Variants in PTPRN2 observed in about 807,000 individuals in gnomAD.
PTPRN2 encodes the protein receptor-type tyrosine-protein phosphatase N2.
In PTPRN2, 74 loss-of-function variants were observed where a neutral mutation model predicts 118.8. That is an observed-to-expected ratio of 0.62 (90% CI 0.52 to 0.76). The LOEUF is 0.76. PTPRN2 is among the 30% of genes least tolerant of loss of function. PTPRN2 has a pLI of 0.00. For missense variants in PTPRN2, 1,481 were observed against 1,394.4 expected (o/e 1.06, Z -0.99); for synonymous variants, 641 against 608.0 (o/e 1.05, Z -0.80).
At chr7:158,569,799 G>T (rs1432298191) in intron 1 of PTPRN2, among the ~76,000 whole-genome samples, 1 of 127,700 alleles carries the variant, frequency 7.8e-6, no homozygotes. Flanking sequence ...CTGACTGACA[G>T]GAACGCGGGG....
rs572303942 is a variant in PTPRN2 at position 157,974,527 on chromosome 7, C to T, written c.1724-75790G>A. On this transcript the variant is annotated intron_variant, in intron 11 of 22. Coordinates refer to ENST00000389418, the MANE Select transcript of PTPRN2 (RefSeq NM_002847.5). The surrounding 1 kb of genome is among the most constrained non-coding windows in gnomAD (Gnocchi z 4.0). ...GGGAACCGTCGGTCCTGCCATGGGA[C>T]GATGTGACTGGGGGCTCGTCCATGC... Among the ~76,000 whole-genome samples, 9 of 152,098 alleles carry T rather than the reference C, an allele frequency of 5.9e-5. No homozygotes were observed. The highest frequency in any genetic ancestry group is 2.1e-4 in the South Asian group (1 of 4,818).
chr7:158,067,221 G>A (rs931694704), intron 11 of PTPRN2, among the ~76,000 whole-genome samples: 5 of 152,208 alleles, frequency 3.3e-5, no homozygotes, highest in East Asian at 1.9e-4. Context: ...GCTTTTCAGC[G>A]AAGCCTCCTC....
At chr7:158,531,388 G>T (rs572528505) in intron 1 of PTPRN2, among the ~76,000 whole-genome samples, 1 of 152,314 alleles carries the variant, frequency 6.6e-6, no homozygotes, top group Admixed American at 6.5e-5. Context: ...TGGGGAAGGG[G>T]GCCACAGGAA....
In PTPRN2 at chr7:157,548,946, C is replaced by T; in HGVS notation, c.2976G>A (p.Lys992=). Residue 992 remains lysine, a splice_region_variant and synonymous_variant, in exon 22 of 23, where the codon AAG becomes AAA. Transcript: ENST00000389418. ...RDQRPGMVQT[K]EQFEFALTAV... Reference sequence around the variant, plus strand: ...GTCCCGGAGGAGAGACTGACAGTACCTTCGTCTGGACCATGCCGGGTCTCT... The same window carrying T: ...GTCCCGGAGGAGAGACTGACAGTACTTTCGTCTGGACCATGCCGGGTCTCT... 1.2e-6 allele frequency: 2 copies of T among 1,614,082 alleles called. No homozygotes were observed. The highest frequency in any genetic ancestry group is 1.7e-5 in the Admixed American group (1 of 60,026).
At chr7:158,488,458 C>G (rs1171389333) in intron 2 of PTPRN2, among the ~76,000 whole-genome samples, 1 of 152,232 alleles carries the variant, frequency 6.6e-6, no homozygotes, top group African/African-American at 2.4e-5. Flanking sequence ...ACCCCAGAAG[C>G]TGCCTAGGCA....
chr7:158,399,667 G>C (rs1004677219), intron 2 of PTPRN2, among the ~76,000 whole-genome samples: 3 of 151,722 alleles, frequency 2.0e-5, no homozygotes, highest in Non-Finnish European at 4.4e-5. Flanking sequence ...AGAAAAGAAA[G>C]AAAAGAAAAG....
chr7:157,629,291 C>A lies in PTPRN2; in HGVS notation c.2197-7782G>T, dbSNP rs1285366799. 6.6e-6 allele frequency among the ~76,000 whole-genome samples: 1 copy of A among 152,084 alleles called. No individual in the cohort carries two copies. On this transcript the variant is annotated intron_variant, in intron 14 of 22. Coordinates refer to ENST00000389418, the MANE Select transcript of PTPRN2 (RefSeq NM_002847.5). The surrounding 1 kb of genome is among the most constrained non-coding windows in gnomAD (Gnocchi z 4.4). ...AGGCAGAAGAAAGGCTGGAGCAGGT[C>A]AGTGCTATTTCAGCTCCATTCAGAG...
At chr7:158,568,762 T>C (rs1827805372) in intron 1 of PTPRN2, among the ~76,000 whole-genome samples, 1 of 152,168 alleles carries the variant, frequency 6.6e-6, no homozygotes, top group Non-Finnish European at 1.5e-5. Flanking sequence ...CAAATCTTTA[T>C]GTGTGTAACT....
intron 3 of PTPRN2, among the ~76,000 whole-genome samples, chr7:158,297,717 G>A (rs1463452750): frequency 1.3e-5 from 2 of 152,172 alleles, no homozygotes; most frequent in African/African-American, 4.8e-5. Flanking sequence ...CACACCACAC[G>A]TGCCTATGTT....
At chr7:158,549,647 G>A (rs1318161393) in intron 1 of PTPRN2, among the ~76,000 whole-genome samples, 2 of 152,256 alleles carry the variant, frequency 1.3e-5, no homozygotes, top group South Asian at 2.1e-4. Context: ...CGCTCCAAAC[G>A]CTGGAAGCTC....
intron 3 of PTPRN2, among the ~76,000 whole-genome samples, chr7:158,220,380 ATC>A (rs1232153265): frequency 6.6e-6 from 1 of 152,110 alleles, no homozygotes; most frequent in Non-Finnish European, 1.5e-5. Flanking sequence ...AAGTCAAATT[ATC>A]TCTCTTCATA....
At chr7:157,646,493 A>G (rs558434780) in intron 14 of PTPRN2, among the ~76,000 whole-genome samples, 15 of 152,126 alleles carry the variant, frequency 9.9e-5, no homozygotes, top group African/African-American at 3.6e-4. Context: ...AGCCAATTCA[A>G]CCTCTTTTCT....
In PTPRN2 at chr7:157,619,855, C is replaced by T. The variant is rs749472046; in HGVS notation, c.2344+1507G>A. Among the ~76,000 whole-genome samples, 77 of 152,192 alleles carry T rather than the reference C, an allele frequency of 5.1e-4. 1 individual carries two copies. Among genetic ancestry groups the T allele is most frequent in the Non-Finnish European group, 5.1e-4 (35 of 68,040 alleles). ...GCTGTGCTGCTGGTACGGGGACAGG[C>T]GGTGTCTCAGGGACACCAGTCTGAT... On this transcript the variant is annotated intron_variant, in intron 15 of 22. Transcript: ENST00000389418. The surrounding 1 kb of genome is among the most constrained non-coding windows in gnomAD (Gnocchi z 5.3).
intron 11 of PTPRN2, among the ~76,000 whole-genome samples, chr7:158,054,432 G>A (rs568948043): frequency 1.3e-5 from 2 of 152,378 alleles, no homozygotes; most frequent in South Asian, 4.1e-4. Flanking sequence ...GACAGAGCAA[G>A]AGAGGAAGAC....
intron 3 of PTPRN2, among the ~76,000 whole-genome samples, chr7:158,276,541 G>A (rs996399156): frequency 1.3e-5 from 2 of 151,112 alleles, no homozygotes; most frequent in African/African-American, 2.5e-5. Flanking sequence ...AGGCTGTAAG[G>A]CAGCACCCCC....
intron 2 of PTPRN2, among the ~76,000 whole-genome samples, chr7:158,368,530 G>A (rs954445825): frequency 3.9e-5 from 6 of 152,202 alleles, no homozygotes; most frequent in African/African-American, 1.4e-4. Flanking sequence ...TGGACTTTTA[G>A]GTGAAGTTCA....
chr7:157,645,088 G>T (rs1003593486), intron 14 of PTPRN2, among the ~76,000 whole-genome samples: 1 of 152,344 alleles, frequency 6.6e-6, no homozygotes, highest in East Asian at 1.9e-4. Flanking sequence ...AGACGAACAG[G>T]AGCAGAACAG....
chr7:158,501,147 A>G (rs1180459657), intron 1 of PTPRN2, among the ~76,000 whole-genome samples: 1 of 152,164 alleles, frequency 6.6e-6, no homozygotes, highest in Non-Finnish European at 1.5e-5. Flanking sequence ...TAACTATGAC[A>G]TTTTCGTGCC....
chr7:158,474,211 C>T (rs1360898820), intron 2 of PTPRN2, among the ~76,000 whole-genome samples: 7 of 152,208 alleles, frequency 4.6e-5, no homozygotes. Context: ...CTCTACAGGA[C>T]TCCACATTCA....
Sources: allele counts gnomAD v4.1 joint callset (sites outside exome capture counted in the v4.1 genomes callset), GRCh38; gene constraint gnomAD v4.1.1; non-coding constraint Gnocchi (gnomAD v3.1); transcripts MANE v1.5; gene names NCBI Gene and HGNC (gene_info 2026-07-23, HGNC 2026-07-21).